LRRIQ3: variants seen among roughly 807,000 people sequenced by gnomAD.
LRRIQ3 encodes the protein leucine rich repeats and IQ motif containing 3, also known as leucine-rich repeat and IQ domain-containing protein 3.
In LRRIQ3, 75 loss-of-function variants were observed where a neutral mutation model predicts 59.3. The ratio of observed to expected loss-of-function variants is 1.26; its 90% CI spans 1.05 to 1.53. The LOEUF is 1.53. Among genes scored for constraint, LRRIQ3 ranks in the 40% most tolerant of loss-of-function variants. The pLI is 0.00. For synonymous variants in LRRIQ3, 250 were observed against 231.3 expected, an observed-to-expected ratio of 1.08 and a Z score of -0.73; for missense variants, 831 against 710.0, an observed-to-expected ratio of 1.17 and a Z score of -1.94.
intron 7 of LRRIQ3, among the ~76,000 whole-genome samples, chr1:74,034,766 A>C (rs948899336): frequency 5.3e-5 from 8 of 151,050 alleles, no homozygotes; most frequent in Admixed American, 4.0e-4. Context: ...ATCAGTAAAT[A>C]GCTTAAATTG....
At chr1:74,121,490 C>T (rs190373650) in intron 4 of LRRIQ3, among the ~76,000 whole-genome samples, 40 of 152,184 alleles carry the variant, frequency 2.6e-4, no homozygotes, top group Non-Finnish European at 4.6e-4. Flanking sequence ...AGAAGTTTTT[C>T]TCTAGACTTT....
At chr1:74,050,418 G>T in intron 6 of LRRIQ3, 1 of 619,144 alleles carries the variant, frequency 1.6e-6, no homozygotes. Context: ...CAACTTAAGA[G>T]CAAAACAACT....
chr1:74,148,735 A>G (rs1162664143), intron 4 of LRRIQ3, among the ~76,000 whole-genome samples: 1 of 152,216 alleles, frequency 6.6e-6, no homozygotes, highest in Non-Finnish European at 1.5e-5. Flanking sequence ...TTTTAATTAC[A>G]TCTGCATAAT....
chr1:74,183,595 A>C lies in LRRIQ3; in HGVS notation c.90T>G (p.Phe30Leu), dbSNP rs200670181. Residue 30 changes from phenylalanine to leucine, a missense_variant, in exon 2 of 8, where the codon TTT becomes TTG. Physicochemically the swap from Phe to Leu is conservative, Grantham distance 22. Coordinates refer to ENST00000354431, the MANE Select transcript of LRRIQ3 (RefSeq NM_001105659.2). ...NENIREGQKD[F>L]VFVKFNGLHL... is the part of the protein sequence containing the mutation. ...GAAGGCCATTGAACTTCACAAAAAC[A>C]AAATCTTTTTGACCTTCTCTTATGT... The C allele has an allele frequency of 2.5e-6, 4 of 1,612,120 alleles. No homozygotes were observed. Among genetic ancestry groups the C allele is most frequent in the Admixed American group, 1.7e-5 (1 of 59,870 alleles).
At chr1:74,100,297 C>G (rs894633993) in intron 5 of LRRIQ3, among the ~76,000 whole-genome samples, 1 of 152,112 alleles carries the variant, frequency 6.6e-6, no homozygotes, top group Non-Finnish European at 1.5e-5. Context: ...TGAGTGAACT[C>G]CCATTCACAA....
rs185205983 is a variant in LRRIQ3, at chr1:74,062,549, A to G, written c.997+12112T>C. ...GAGTACTCAAAGGAATAGAAATCACAGCACTATTCACAGTAGCAAAGACAC... is the reference window on the plus strand; with the variant it reads ...GAGTACTCAAAGGAATAGAAATCACGGCACTATTCACAGTAGCAAAGACAC... On this transcript the variant is annotated intron_variant, in intron 6 of 7. Coordinates refer to ENST00000354431, the MANE Select transcript of LRRIQ3 (RefSeq NM_001105659.2). Among the ~76,000 whole-genome samples the G allele has an allele frequency of 4.0e-3, 613 of 152,250 alleles. 2 individuals carry two copies. The highest frequency in any genetic ancestry group is 5.9e-3 in the Non-Finnish European group (403 of 68,000).
At chr1:74,089,932 A>C (rs946004714) in intron 5 of LRRIQ3, among the ~76,000 whole-genome samples, 1 of 152,070 alleles carries the variant, frequency 6.6e-6, no homozygotes, top group African/African-American at 2.4e-5. Flanking sequence ...GTGAGATACC[A>C]AAGATAATTA....
At chr1:74,085,323 CAAAA>C (rs61216155) in intron 5 of LRRIQ3, among the ~76,000 whole-genome samples, 2 of 121,608 alleles carry the variant, frequency 1.6e-5, no homozygotes, top group African/African-American at 5.7e-5. Context: ...TACATGGTGG[CAAAA>C]AAAAAAAAAA....
chr1:74,181,891 C>T (rs1282207980), intron 3 of LRRIQ3: 1 of 151,700 alleles, frequency 6.6e-6, no homozygotes, highest in Non-Finnish European at 1.5e-5. Flanking sequence ...TATGTGACTT[C>T]ACATATCTTT....
chr1:74,055,365 T>C (rs1654501850), intron 6 of LRRIQ3, among the ~76,000 whole-genome samples: 2 of 151,982 alleles, frequency 1.3e-5, no homozygotes, highest in Admixed American at 1.3e-4. Flanking sequence ...TTCCCCCCTC[T>C]CTTCTGCCCC....
intron 4 of LRRIQ3, among the ~76,000 whole-genome samples, chr1:74,137,178 A>T (rs571175525): frequency 6.6e-6 from 1 of 152,002 alleles, no homozygotes; most frequent in African/African-American, 2.4e-5. Context: ...ATTTTTTTAA[A>T]TTCACTCCTA....
chr1:74,040,271 C>A (rs1438186295), intron 7 of LRRIQ3, among the ~76,000 whole-genome samples: 1 of 152,094 alleles, frequency 6.6e-6, no homozygotes, highest in African/African-American at 2.4e-5. Flanking sequence ...CCCAATACAG[C>A]AGCACCTGGA....
At chr1:74,078,887 T>A (rs1005653815) in intron 5 of LRRIQ3, among the ~76,000 whole-genome samples, 2 of 151,740 alleles carry the variant, frequency 1.3e-5, no homozygotes, top group Non-Finnish European at 3.0e-5. Context: ...CAGAAAAAAA[T>A]AATTTTTTGA....
chr1:74,151,171 C>T (rs1647917960), intron 4 of LRRIQ3, among the ~76,000 whole-genome samples: 1 of 151,818 alleles, frequency 6.6e-6, no homozygotes, highest in Admixed American at 6.6e-5. Context: ...GTATGCACCA[C>T]CATGCTCAGC....
chr1:74,188,841 C>A (rs1241452810), intron 1 of LRRIQ3, among the ~76,000 whole-genome samples: 5 of 152,134 alleles, frequency 3.3e-5, no homozygotes, highest in African/African-American at 1.2e-4. Context: ...CAAAGTCTCT[C>A]CCATTTCGGT....
rs1445578644 is a variant in LRRIQ3, at chr1:74,198,123, T to C, written c.-128A>G. 3.3e-5 allele frequency: 47 copies of C among 1,419,098 alleles called. No homozygotes were observed. In the South Asian group the frequency reaches 6.5e-4, roughly 20 times the overall value. 87.9% of individuals were successfully genotyped at this position (1,419,098 alleles called of 1,614,324 possible). A position where few individuals can be genotyped will look rare whatever the true frequency, so the allele number is the denominator to read the frequency against. On this transcript the variant is annotated 5_prime_UTR_variant, in exon 1 of 8. Transcript: ENST00000354431. The stretch of plus-strand genomic sequence containing the variant: ...CTAGAGAAACAAGACAACATCCAAG[T>C]TCTCCACATCATGGTTTTCCGGGCG...
chr1:74,073,460 A>G (rs1484662484), intron 6 of LRRIQ3, among the ~76,000 whole-genome samples: 2 of 152,052 alleles, frequency 1.3e-5, no homozygotes, highest in African/African-American at 4.8e-5. Flanking sequence ...GCACTGAGCC[A>G]TAATCACTCC....
chr1:74,037,069 T>C (rs138274098), intron 7 of LRRIQ3, among the ~76,000 whole-genome samples: 1,764 of 152,368 alleles, frequency 0.012, 14 homozygotes, highest in Non-Finnish European at 0.018. Context: ...GTGGTTGTTA[T>C]ATGACTTAAA....
chr1:74,061,038 G>A (rs1654708282), intron 6 of LRRIQ3, among the ~76,000 whole-genome samples: 1 of 152,136 alleles, frequency 6.6e-6, no homozygotes, highest in Admixed American at 6.6e-5. Flanking sequence ...AAGCTGCTTA[G>A]AGAGGTGGAG....
Sources: allele counts gnomAD v4.1 joint callset (sites outside exome capture counted in the v4.1 genomes callset), GRCh38; gene constraint gnomAD v4.1.1; transcripts MANE v1.5; gene names NCBI Gene and HGNC (gene_info 2026-07-23, HGNC 2026-07-21).